Variants in DENND4A observed in about 807,000 individuals in gnomAD.
The protein encoded by DENND4A is C-myc promoter-binding protein.
A neutral mutation model predicts 199.3 loss-of-function variants in DENND4A; 70 were observed. The ratio of observed to expected loss-of-function variants is 0.35; its 90% confidence interval spans 0.29 to 0.43. The LOEUF (loss-of-function observed/expected upper bound fraction) is 0.43. DENND4A is among the 20% of genes least tolerant of loss of function. DENND4A has a pLI of 1.00. For synonymous variants in DENND4A, 686 were observed against 766.9 expected (o/e 0.89, Z 1.74); for missense variants, 1,723 against 2,255.8 (o/e 0.76, Z 4.78).
chr15:65,716,947 G>A (rs1252258800), intron 13 of DENND4A, among the ~76,000 whole-genome samples: 4 of 152,104 alleles, frequency 2.6e-5, no homozygotes, highest in Non-Finnish European at 4.4e-5. Context: ...TCTAACTGGC[G>A]TGAGATGGTA....
intron 27 of DENND4A, among the ~76,000 whole-genome samples, chr15:65,669,111 C>T (rs1339642184): frequency 2.6e-5 from 4 of 152,038 alleles, no homozygotes; most frequent in East Asian, 3.9e-4. Flanking sequence ...TACAATAGAC[C>T]GGTGATGAAA....
intron 1 of DENND4A, among the ~76,000 whole-genome samples, chr15:65,763,669 G>C (rs1215358834): frequency 2.0e-5 from 2 of 97,630 alleles, no homozygotes; most frequent in East Asian, 6.2e-4. Context: ...GACCAAGCAA[G>C]ACCTTGTCTC....
intron 8 of DENND4A, among the ~76,000 whole-genome samples, chr15:65,732,396 T>C (rs944842969): frequency 1.3e-5 from 2 of 152,112 alleles, no homozygotes; most frequent in African/African-American, 4.8e-5. Flanking sequence ...CTCTTATCTA[T>C]GTTTTGAAAT....
chr15:65,678,248 A>C (rs894123074), intron 23 of DENND4A, among the ~76,000 whole-genome samples: 3 of 151,882 alleles, frequency 2.0e-5, no homozygotes, highest in Non-Finnish European at 4.4e-5. Context: ...CTTTTTCAAA[A>C]TTTTCTTGAT....
intron 23 of DENND4A, among the ~76,000 whole-genome samples, chr15:65,688,786 G>C (rs779578492): frequency 6.6e-6 from 1 of 152,220 alleles, no homozygotes; most frequent in Non-Finnish European, 1.5e-5. Flanking sequence ...GATGCATGAG[G>C]AAAGGAAATG....
At chr15:65,755,636 T>C (rs1360210378) in intron 3 of DENND4A, among the ~76,000 whole-genome samples, 2 of 151,936 alleles carry the variant, frequency 1.3e-5, no homozygotes, top group African/African-American at 2.4e-5. Context: ...TGTGACAGCG[T>C]GTATCTATAG....
chr15:65,773,576 A>T (rs1408602429), intron 1 of DENND4A, among the ~76,000 whole-genome samples: 3 of 152,258 alleles, frequency 2.0e-5, no homozygotes, highest in African/African-American at 7.2e-5. Flanking sequence ...AGGAGGAACA[A>T]GCACAATGGA....
At chr15:65,718,039 A>T in intron 12 of DENND4A, 43 bp from the exon 13 acceptor site, 1 of 1,396,450 alleles carries the variant, frequency 7.2e-7, no homozygotes, top group Non-Finnish European at 9.8e-7. Context: ...AAACTCACAA[A>T]ACACTCATGA....
chr15:65,668,039 T>G lies in DENND4A; in HGVS notation c.4872A>C (p.Pro1624=). 1 of 1,612,608 alleles carries G rather than the reference T, an allele frequency of 6.2e-7. No homozygotes were observed. Among genetic ancestry groups the G allele is most frequent in the Non-Finnish European group, 8.5e-7 (1 of 1,179,550 alleles). The change falls in exon 28 of 33, where the codon CCA becomes CCC. Residue 1624 remains proline, a synonymous_variant. Coordinates refer to ENST00000443035, the MANE Select transcript of DENND4A (RefSeq NM_001320835.1). The part of the protein sequence containing the change: ...NRSKTAMSKC[P]IFPMARSIST... Reference sequence around the variant, plus strand: ...TAATACTCCTGGCCATTGGAAATATTGGACATTTAGACATAGCTGTTTTTG... The same window carrying G: ...TAATACTCCTGGCCATTGGAAATATGGGACATTTAGACATAGCTGTTTTTG...
Position 65,782,677 on chromosome 15 carries a change from T to C in DENND4A, c.-102+9333A>G, listed in dbSNP as rs115473274. Among the ~76,000 whole-genome samples, 394 of 152,140 alleles carry C rather than the reference T, an allele frequency of 2.6e-3. 1 individual carries two copies. The highest frequency in any genetic ancestry group is 9.2e-3 in the African/African-American group (380 of 41,522). On this transcript the variant is annotated intron_variant, in intron 1 of 32. Coordinates refer to ENST00000443035, the MANE Select transcript of DENND4A (RefSeq NM_001320835.1). The stretch of plus-strand genomic sequence containing the variant: ...AACAAAAAAATAAAATAAAAATAAA[T>C]GGGCAAAATAATTATTTACCTCATA...
At chr15:65,746,843 C>A (rs2076413321) in intron 4 of DENND4A, among the ~76,000 whole-genome samples, 1 of 150,974 alleles carries the variant, frequency 6.6e-6, no homozygotes. Context: ...GAGGCCGAGG[C>A]AGGCGGATCA....
At position 65,756,179 on chromosome 15, in the gene DENND4A, T is replaced by C; in HGVS notation, c.272A>G (p.Tyr91Cys). 6.2e-7 allele frequency: 1 copy of C among 1,611,086 alleles called. No individual in the cohort carries two copies. The highest frequency in any genetic ancestry group is 8.5e-7 in the Non-Finnish European group (1 of 1,178,430). Residue 91 changes from tyrosine (Y) to cysteine (C), a missense_variant, in exon 3 of 33, where the codon TAT becomes TGT. Around this residue, in one of 6 missense-constraint regions of DENND4A, gnomAD observed 725 missense variants for 952.9 expected, o/e 0.76. Transcript: ENST00000443035. Reference sequence around the variant, plus strand: ...TGGAGGCTTATCTCTTCCTCTTCTATAGCAAAGGTAAATCTGTGGCCCCAC... The same window carrying C: ...TGGAGGCTTATCTCTTCCTCTTCTACAGCAAAGGTAAATCTGTGGCCCCAC... Reference protein sequence around the residue: ...SLVGPQIYLCYRRGRDKPPLT... With the variant: ...SLVGPQIYLCCRRGRDKPPLT...
At chr15:65,791,756 A>G (rs537079691) in intron 1 of DENND4A, among the ~76,000 whole-genome samples, 22 of 151,122 alleles carry the variant, frequency 1.5e-4, no homozygotes, top group Middle Eastern at 3.4e-3. Context: ...GAAAATCTGG[A>G]ATGAAAACAC....
At chr15:65,752,766 G>A (rs933966092) in intron 3 of DENND4A, 138 bp from the exon 4 acceptor site, 98 of 591,464 alleles carry the variant, frequency 1.7e-4, no homozygotes, top group South Asian at 3.9e-4. Flanking sequence ...TAAAATGCAC[G>A]GTCTTGTATG....
rs1491492345 is a variant in DENND4A, at chr15:65,659,321, G to GCTTT, written c.*2529_*2530insAAAG. The GCTTT allele has an allele frequency of 1.5e-5, 1 of 66,668 alleles. No individual in the cohort carries two copies. Among genetic ancestry groups the GCTTT allele is most frequent in the Non-Finnish European group, 3.0e-5 (1 of 33,648 alleles). The allele number at this position is 66,668 out of a possible 1,614,324, so 4.1% of individuals were successfully genotyped here. A position where few individuals can be genotyped will look rare whatever the true frequency, so the allele number is the denominator to read the frequency against. ...TTATTTTAAATGATTGATATTTTCT[G>GCTTT]GTTTTTTTTTTTTTTTTTTTTTTTT... On this transcript the variant is annotated 3_prime_UTR_variant, in exon 33 of 33. Coordinates refer to ENST00000443035, the MANE Select transcript of DENND4A (RefSeq NM_001320835.1).
At chr15:65,778,893 CAAAA>C (rs375471173) in intron 1 of DENND4A, among the ~76,000 whole-genome samples, 2 of 107,368 alleles carry the variant, frequency 1.9e-5, no homozygotes. Context: ...GACTCCGCAT[CAAAA>C]AAAAAAAAAA....
intron 4 of DENND4A, among the ~76,000 whole-genome samples, chr15:65,752,042 G>A (rs2076576009): frequency 6.8e-6 from 1 of 146,022 alleles, no homozygotes; most frequent in African/African-American, 2.5e-5. Flanking sequence ...GTCTTCAAAT[G>A]GGTAAATTGA....
At chr15:65,729,016 A>G (rs1434364336) in intron 11 of DENND4A, 56 bp downstream of exon 11, 2 of 1,436,560 alleles carry the variant, frequency 1.4e-6, no homozygotes, top group Non-Finnish European at 1.9e-6. Context: ...ATACAGTTAC[A>G]TACATATGCT....
intron 4 of DENND4A, among the ~76,000 whole-genome samples, chr15:65,750,903 A>G (rs1375064112): frequency 2.0e-5 from 3 of 152,146 alleles, no homozygotes; most frequent in Admixed American, 2.0e-4. Flanking sequence ...TGTCTATGCA[A>G]AGAATATGAT....
Sources: gnomAD v4.1 joint callset for allele counts (sites outside exome capture counted in the v4.1 genomes callset) on GRCh38, gnomAD v4.1.1 for gene constraint, gnomAD v4.1.1 regional missense constraint, MANE v1.5 for transcripts, NCBI Gene and HGNC (gene_info 2026-07-23, HGNC 2026-07-21) for gene names.